CSMD1: variants seen among roughly 807,000 people sequenced by gnomAD.
CSMD1 encodes CUB and Sushi multiple domains 1.
Under a neutral mutation model 417.5 loss-of-function variants are expected in CSMD1, and 213 were observed. That is an observed-to-expected ratio of 0.51 (90% confidence interval 0.46 to 0.57). The LOEUF (loss-of-function observed/expected upper bound fraction) is 0.57, where lower values mean the gene tolerates loss of function less well. Among genes scored for constraint, CSMD1 ranks in the 20% least tolerant of loss-of-function variants. The pLI is 0.00. For synonymous variants in CSMD1, 2,862 were observed against 1,736.8 expected (o/e 1.65, Z -16.11); for missense variants, 6,923 against 4,529.7 (o/e 1.53, Z -15.17).
At chr8:3,938,455 C>A (rs922892785) in intron 5 of CSMD1, among the ~76,000 whole-genome samples, 2 of 152,118 alleles carry the variant, frequency 1.3e-5, no homozygotes, top group East Asian at 1.9e-4. Context: ...TGCAGTGGAT[C>A]TGTGGTGGGG....
At chr8:4,210,798 C>T (rs547169586) in intron 3 of CSMD1, among the ~76,000 whole-genome samples, 8 of 152,060 alleles carry the variant, frequency 5.3e-5, no homozygotes, top group Admixed American at 1.3e-4. Context: ...AGCATATCTA[C>T]AAGGTCTCAA....
chr8:3,748,722 G>C (rs1007162704), intron 6 of CSMD1, among the ~76,000 whole-genome samples: 5 of 152,152 alleles, frequency 3.3e-5, no homozygotes, highest in Non-Finnish European at 4.4e-5. Context: ...TGGGAACATG[G>C]GGCTTTCAAT....
Position 4,331,829 on chromosome 8 carries a change from A to G in CSMD1, c.415+88124T>C, listed in dbSNP as rs1255681498. 2.0e-5 allele frequency among the ~76,000 whole-genome samples: 3 copies of G among 152,136 alleles called. No individual in the cohort carries two copies. The East Asian group carries it at 5.8e-4, about 29-fold the overall frequency. ...TTTTTCCTCCAAGCAAATAATTATTACTGTTTCCTCATAGCACAATCCATT... is the reference window on the plus strand; with the variant it reads ...TTTTTCCTCCAAGCAAATAATTATTGCTGTTTCCTCATAGCACAATCCATT... On this transcript the variant is annotated intron_variant, in intron 3 of 69. Coordinates refer to ENST00000635120, the MANE Select transcript of CSMD1 (RefSeq NM_033225.6).
At chr8:3,881,099 T>C (rs1470590653) in intron 5 of CSMD1, among the ~76,000 whole-genome samples, 3 of 152,108 alleles carry the variant, frequency 2.0e-5, no homozygotes, top group African/African-American at 7.2e-5. Context: ...AAATCTGAAA[T>C]ATTATTGACT....
At chr8:3,642,432 G>C (rs1023297730) in intron 7 of CSMD1, among the ~76,000 whole-genome samples, 1 of 152,046 alleles carries the variant, frequency 6.6e-6, no homozygotes, top group South Asian at 2.1e-4. Flanking sequence ...TACCTATATG[G>C]CTCTAAAGAC....
At chr8:4,637,684 G>C (rs1391669810) in intron 1 of CSMD1, 126 bp from the exon 2 acceptor site, 1 of 452,044 alleles carries the variant, frequency 2.2e-6, no homozygotes, top group Non-Finnish European at 3.6e-6. Flanking sequence ...TTTTTTTTGA[G>C]ACGGAGTCTC....
At chr8:4,500,003 A>G (rs1217688) in intron 2 of CSMD1, among the ~76,000 whole-genome samples, 121,283 of 151,254 alleles carry the variant, frequency 0.8, 48,649 homozygotes, top group East Asian at 0.86. Context: ...GACATCCACA[A>G]GAGAGAAAGA....
At chr8:4,374,350 T>G (rs1294288459) in intron 3 of CSMD1, among the ~76,000 whole-genome samples, 1 of 152,172 alleles carries the variant, frequency 6.6e-6, no homozygotes, top group Non-Finnish European at 1.5e-5. Context: ...ATTTTCAGAA[T>G]CTGATTATAG....
At chr8:4,415,171 G>C (rs998356683) in intron 3 of CSMD1, among the ~76,000 whole-genome samples, 1 of 152,010 alleles carries the variant, frequency 6.6e-6, no homozygotes, top group Non-Finnish European at 1.5e-5. Context: ...CTCAGCTCCA[G>C]GCTCTCTGAG....
chr8:4,226,652 T>C (rs978798173), intron 3 of CSMD1, among the ~76,000 whole-genome samples: 7 of 152,066 alleles, frequency 4.6e-5, no homozygotes, highest in African/African-American at 1.7e-4. Flanking sequence ...ATAATTACAG[T>C]ATAATCATAG....
intron 3 of CSMD1, among the ~76,000 whole-genome samples, chr8:4,062,166 G>A (rs13253871): frequency 0.17 from 26,549 of 151,990 alleles, 2,454 homozygotes; most frequent in Non-Finnish European, 0.21. Flanking sequence ...CCAGAAACAC[G>A]CAAGACTTGC....
At chr8:4,920,884 A>C (rs374920861) in intron 1 of CSMD1, among the ~76,000 whole-genome samples, 1 of 67,964 alleles carries the variant, frequency 1.5e-5, no homozygotes, top group Non-Finnish European at 3.5e-5. Flanking sequence ...AAGAAAAGAA[A>C]AGAAAAGAAA....
At chr8:4,707,060 C>G (rs17418446) in intron 1 of CSMD1, among the ~76,000 whole-genome samples, 4 of 152,116 alleles carry the variant, frequency 2.6e-5, no homozygotes, top group Non-Finnish European at 4.4e-5. Flanking sequence ...GTGATCAGAT[C>G]TGAGATTAGG....
At chr8:4,646,538 AG>A (rs1803525632) in intron 1 of CSMD1, among the ~76,000 whole-genome samples, 1 of 152,224 alleles carries the variant, frequency 6.6e-6, no homozygotes, top group Admixed American at 6.5e-5. Flanking sequence ...TCACTAAAAA[AG>A]GTGTAAAACT....
intron 5 of CSMD1, among the ~76,000 whole-genome samples, chr8:3,937,329 T>C (rs1277803951): frequency 1.3e-5 from 2 of 152,138 alleles, no homozygotes; most frequent in African/African-American, 2.4e-5. Flanking sequence ...CAGCAACACA[T>C]GCTATATAGA....
intron 5 of CSMD1, among the ~76,000 whole-genome samples, chr8:3,755,173 T>C (rs1436842801): frequency 3.9e-5 from 6 of 152,222 alleles, no homozygotes; most frequent in African/African-American, 7.2e-5. Flanking sequence ...ACATTTAGTT[T>C]TTCAGTGGCA....
chr8:3,919,344 C>G (rs1226225392), intron 5 of CSMD1, among the ~76,000 whole-genome samples: 1 of 152,042 alleles, frequency 6.6e-6, no homozygotes, highest in Non-Finnish European at 1.5e-5. Context: ...CAGTTTCATT[C>G]CTCTGCACGA....
At position 3,761,500 on chromosome 8, in the gene CSMD1, A is replaced by ATTTTT. The variant is rs57655479; in HGVS notation, c.819-7463_819-7459dup. On this transcript the variant is annotated intron_variant, in intron 5 of 69. Transcript: ENST00000635120. ...CAACAGTTCTTTAATCAAAACGACC[A>ATTTTT]TTTTTTTTTTTTTTTTTTTTTTTGA... 2.7e-4 allele frequency among the ~76,000 whole-genome samples: 25 copies of ATTTTT among 93,392 alleles called. 1 individual carries two copies. Among genetic ancestry groups the ATTTTT allele is most frequent in the East Asian group, 1.1e-3 (3 of 2,754 alleles). The allele number at this position is 93,392 out of a possible 152,430, so 61.3% of individuals were successfully genotyped here.
intron 37 of CSMD1, among the ~76,000 whole-genome samples, chr8:3,173,075 A>G (rs143914878): frequency 6.6e-6 from 1 of 152,316 alleles, no homozygotes; most frequent in Non-Finnish European, 1.5e-5. Flanking sequence ...CTTGTGGAGG[A>G]CAACTTGATT....
Sources: allele counts gnomAD v4.1 joint callset (sites outside exome capture counted in the v4.1 genomes callset), GRCh38; gene constraint gnomAD v4.1.1; transcripts MANE v1.5; gene names NCBI Gene and HGNC (gene_info 2026-07-23, HGNC 2026-07-21).